The following ADCY2 variants were observed in gnomAD, a reference collection of about 807,000 sequenced individuals.
The protein encoded by ADCY2 is adenylate cyclase 2, also known as adenylate cyclase type 2.
A neutral mutation model predicts 125.2 loss-of-function variants in ADCY2; 31 were observed. That is an observed-to-expected ratio of 0.25 (90% CI 0.19 to 0.33). The LOEUF (loss-of-function observed/expected upper bound fraction) is 0.33. Among genes scored for constraint, ADCY2 ranks in the 10% least tolerant of loss-of-function variants. ADCY2 has a pLI of 1.00. For missense variants in ADCY2, 904 were observed against 1,418.2 expected, an observed-to-expected ratio of 0.64 and a Z score of 5.82; for synonymous variants, 512 against 548.4, an observed-to-expected ratio of 0.93 and a Z score of 0.93.
chr5:7,796,955 C>G (rs1445063798), intron 20 of ADCY2: 2 of 152,208 alleles, frequency 1.3e-5, no homozygotes, highest in East Asian at 3.8e-4. Context: ...CGGAGAGAGC[C>G]AATGCCTGAT....
At chr5:7,621,473 C>T (rs1737950829) in intron 3 of ADCY2, among the ~76,000 whole-genome samples, 1 of 152,216 alleles carries the variant, frequency 6.6e-6, no homozygotes, top group Admixed American at 6.5e-5. Context: ...AGAAATCTGA[C>T]TGTATGCGTA....
At chr5:7,451,584 T>TA (rs1741471605) in intron 2 of ADCY2, among the ~76,000 whole-genome samples, 2 of 152,176 alleles carry the variant, frequency 1.3e-5, no homozygotes, top group African/African-American at 4.8e-5. Context: ...ATTACAGAAA[T>TA]TTAGTTGATA....
intron 2 of ADCY2, among the ~76,000 whole-genome samples, chr5:7,441,998 C>A (rs965065106): frequency 1.6e-4 from 25 of 152,164 alleles, no homozygotes; most frequent in African/African-American, 5.8e-4. Flanking sequence ...CTCTGTTTTT[C>A]TGGTATAGGT....
At chr5:7,816,390 C>T (rs1198332039) in intron 22 of ADCY2, among the ~76,000 whole-genome samples, 4 of 152,206 alleles carry the variant, frequency 2.6e-5, no homozygotes, top group African/African-American at 9.6e-5. Flanking sequence ...TCCCTGCTCT[C>T]TTTTTCCACT....
chr5:7,795,079 A>C (rs4702498), intron 20 of ADCY2: 120,474 of 151,526 alleles, frequency 0.8, 48,505 homozygotes, highest in African/African-American at 0.88. Flanking sequence ...ACAAGCTATT[A>C]CTGGTCCCCA....
At chr5:7,551,438 G>A (rs369021938) in intron 3 of ADCY2, among the ~76,000 whole-genome samples, 4 of 152,230 alleles carry the variant, frequency 2.6e-5, no homozygotes, top group African/African-American at 4.8e-5. Flanking sequence ...GCAGGGAAGC[G>A]TCAAGATCAG....
At chr5:7,767,908 A>T (rs1743439654) in intron 17 of ADCY2, among the ~76,000 whole-genome samples, 1 of 152,158 alleles carries the variant, frequency 6.6e-6, no homozygotes, top group Non-Finnish European at 1.5e-5. Flanking sequence ...GCAGGTGCCT[A>T]TAGTCCCAGC....
intron 2 of ADCY2, among the ~76,000 whole-genome samples, chr5:7,426,250 G>A (rs533819615): frequency 4.6e-5 from 7 of 152,268 alleles, no homozygotes; most frequent in South Asian, 4.1e-4. Context: ...AGTTCTCATC[G>A]TTTACTTTTT....
At chr5:7,730,253 G>A (rs1399792257) in intron 14 of ADCY2, among the ~76,000 whole-genome samples, 1 of 152,158 alleles carries the variant, frequency 6.6e-6, no homozygotes, top group East Asian at 1.9e-4. Flanking sequence ...CATCGTGTAT[G>A]TATGCTACAT....
At chr5:7,710,684 G>C (rs1346776409) in intron 10 of ADCY2, among the ~76,000 whole-genome samples, 1 of 152,178 alleles carries the variant, frequency 6.6e-6, no homozygotes, top group African/African-American at 2.4e-5. Flanking sequence ...ATGCACCACG[G>C]TAAATTTTAT....
chr5:7,499,281 C>T (rs917744792), intron 2 of ADCY2, among the ~76,000 whole-genome samples: 6 of 152,132 alleles, frequency 3.9e-5, no homozygotes, highest in South Asian at 4.1e-4. Flanking sequence ...GCTGGGATTA[C>T]AGGCATGAGC....
chr5:7,509,967 G>A (rs1743995421), intron 2 of ADCY2, among the ~76,000 whole-genome samples: 1 of 152,170 alleles, frequency 6.6e-6, no homozygotes, highest in Non-Finnish European at 1.5e-5. Context: ...ATTATTTGGT[G>A]ATGCAAACGG....
chr5:7,665,481 A>G (rs1279269346), intron 4 of ADCY2, among the ~76,000 whole-genome samples: 1 of 152,186 alleles, frequency 6.6e-6, no homozygotes, highest in African/African-American at 2.4e-5. Context: ...TAGATTATCT[A>G]TGAATTGATG....
At chr5:7,590,902 T>C (rs1444114343) in intron 3 of ADCY2, among the ~76,000 whole-genome samples, 2 of 152,196 alleles carry the variant, frequency 1.3e-5, no homozygotes, top group African/African-American at 2.4e-5. Flanking sequence ...AATTGGTTTT[T>C]GAAATATTTT....
chr5:7,430,786 A>T (rs1740569771), intron 2 of ADCY2, among the ~76,000 whole-genome samples: 1 of 152,080 alleles, frequency 6.6e-6, no homozygotes, highest in Non-Finnish European at 1.5e-5. Context: ...CATTTAATAT[A>T]AACTCAAAAA....
chr5:7,537,821 T>G lies in ADCY2; in HGVS notation c.570+16922T>G, dbSNP rs532713400. Among the ~76,000 whole-genome samples the G allele has an allele frequency of 5.9e-5, 9 of 152,314 alleles. No homozygotes were observed. The East Asian group carries it at 1.7e-3, about 29-fold the overall frequency. On this transcript the variant is annotated intron_variant, in intron 3 of 24. Transcript: ENST00000338316. ...TGGCCCCTCCCTTCCCTTGCATGGA[T>G]TCTGAGCTCTGCAGATGCTGGGCTC...
intron 2 of ADCY2, among the ~76,000 whole-genome samples, chr5:7,512,875 A>C (rs2126521918): frequency 6.6e-6 from 1 of 152,200 alleles, no homozygotes; most frequent in African/African-American, 2.4e-5. Flanking sequence ...TGAGACCTGA[A>C]CTGCTGCTGA....
At chr5:7,702,378 C>G (rs1414776707) in intron 7 of ADCY2, among the ~76,000 whole-genome samples, 3 of 151,826 alleles carry the variant, frequency 2.0e-5, no homozygotes, top group Admixed American at 6.6e-5. Flanking sequence ...TCCCTCCCCG[C>G]TCCTCCCACC....
At chr5:7,680,522 C>T (rs1740293845) in intron 4 of ADCY2, among the ~76,000 whole-genome samples, 1 of 152,224 alleles carries the variant, frequency 6.6e-6, no homozygotes, top group Non-Finnish European at 1.5e-5. Flanking sequence ...TAACTATGCA[C>T]TCTGCAAGCT....
Sources: gnomAD v4.1 joint callset for allele counts (sites outside exome capture counted in the v4.1 genomes callset) on GRCh38, gnomAD v4.1.1 for gene constraint, MANE v1.5 for transcripts, NCBI Gene and HGNC (gene_info 2026-07-23, HGNC 2026-07-21) for gene names.